The following ADARB2 variants were observed in gnomAD, a reference collection of about 807,000 sequenced individuals.
The protein encoded by ADARB2 is adenosine deaminase RNA specific B2 (inactive), also known as inactive double-stranded RNA-specific editase B2.
ADARB2 carries 25 observed loss-of-function variants against 62.2 expected under a neutral mutation model. The observed-to-expected ratio is 0.40, with a 90% CI of 0.29 to 0.56. The LOEUF is 0.56. ADARB2 is among the 20% of genes least tolerant of loss of function. The pLI, the probability that ADARB2 is intolerant of heterozygous loss-of-function variation, is 0.43. For synonymous variants in ADARB2, 572 were observed against 500.8 expected, an observed-to-expected ratio of 1.14 and a Z score of -1.90; for missense variants, 1,071 against 1,077.4, an observed-to-expected ratio of 0.99 and a Z score of 0.08.
chr10:1,566,291 C>G (rs899435398), intron 1 of ADARB2, among the ~76,000 whole-genome samples: 1 of 152,068 alleles, frequency 6.6e-6, no homozygotes, highest in Non-Finnish European at 1.5e-5. Flanking sequence ...CTGCTAGCAC[C>G]CCTTGCCCAC....
chr10:1,328,469 C>G (rs913074987), intron 3 of ADARB2, among the ~76,000 whole-genome samples: 1 of 152,174 alleles, frequency 6.6e-6, no homozygotes, highest in Non-Finnish European at 1.5e-5. Context: ...AAATCAACCA[C>G]GTAACGTTCA....
chr10:1,270,710 C>G (rs552250928), intron 4 of ADARB2, among the ~76,000 whole-genome samples: 15 of 152,330 alleles, frequency 9.8e-5, no homozygotes, highest in African/African-American at 2.9e-4. Context: ...TGGCCAGGCC[C>G]CCCAGAGACG....
intron 4 of ADARB2, among the ~76,000 whole-genome samples, chr10:1,247,486 T>C (rs1284120837): frequency 6.6e-5 from 10 of 152,164 alleles, no homozygotes; most frequent in Admixed American, 6.5e-4. Context: ...TAGCTCTTAT[T>C]ATTTTGAGAT....
At chr10:1,212,152 A>C (rs548596424) in intron 7 of ADARB2, among the ~76,000 whole-genome samples, 2 of 152,276 alleles carry the variant, frequency 1.3e-5, no homozygotes, top group Admixed American at 1.3e-4. Flanking sequence ...AGAATATTTC[A>C]TCCGTATTTG....
chr10:1,410,245 T>C (rs1462106569), intron 1 of ADARB2, among the ~76,000 whole-genome samples: 3 of 126,800 alleles, frequency 2.4e-5, no homozygotes, highest in African/African-American at 8.8e-5. Context: ...GGAAGGATTG[T>C]CAGTGGTGCC....
intron 1 of ADARB2, among the ~76,000 whole-genome samples, chr10:1,662,446 C>T (rs140694212): frequency 0.011 from 1,643 of 152,298 alleles, 19 homozygotes; most frequent in East Asian, 0.044. Context: ...GCCTGACCTG[C>T]CTGCTCTTGG....
chr10:1,304,980 A>G (rs572646167), intron 3 of ADARB2, among the ~76,000 whole-genome samples: 25 of 87,876 alleles, frequency 2.8e-4, no homozygotes, highest in Non-Finnish European at 4.6e-4. Flanking sequence ...GAAAAGCAAG[A>G]GCAAACACAT....
intron 3 of ADARB2, among the ~76,000 whole-genome samples, chr10:1,277,454 C>T (rs189522120): frequency 6.6e-6 from 1 of 152,252 alleles, no homozygotes; most frequent in African/African-American, 2.4e-5. Flanking sequence ...TACAAACTAC[C>T]ATTAGAGAAT....
intron 1 of ADARB2, among the ~76,000 whole-genome samples, chr10:1,678,557 C>T (rs958025194): frequency 4.6e-5 from 7 of 152,006 alleles, no homozygotes; most frequent in African/African-American, 1.7e-4. Context: ...GCTTTTTATC[C>T]TCTACAATAT....
chr10:1,449,652 C>G (rs1175357107), intron 1 of ADARB2, among the ~76,000 whole-genome samples: 1 of 152,156 alleles, frequency 6.6e-6, no homozygotes, highest in East Asian at 1.9e-4. Context: ...CCCTGAGAGT[C>G]AGGACCTCAT....
At chr10:1,615,991 C>T (rs1338675752) in intron 1 of ADARB2, among the ~76,000 whole-genome samples, 1 of 152,350 alleles carries the variant, frequency 6.6e-6, no homozygotes, top group East Asian at 1.9e-4. Flanking sequence ...ATTCAGATCA[C>T]CCCACCTGTC....
chr10:1,734,377 AT>A lies in ADARB2; in HGVS notation c.100+2673del, dbSNP rs1164501477. On this transcript the variant is annotated intron_variant, in intron 1 of 9. Transcript: ENST00000381312. Reference sequence around the variant, plus strand: ...TAAAATATAACTTCTACAGAAAAAAATATCATTTCCAAGACTATGGATTATA... The same window carrying A: ...TAAAATATAACTTCTACAGAAAAAAAATCATTTCCAAGACTATGGATTATA... Among the ~76,000 whole-genome samples, 6 of 151,796 alleles carry A rather than the reference AT, an allele frequency of 4.0e-5. No individual in the cohort carries two copies. The East Asian group carries it at 1.2e-3, about 29-fold the overall frequency.
At chr10:1,403,766 A>T (rs1832684490) in intron 1 of ADARB2, among the ~76,000 whole-genome samples, 1 of 152,168 alleles carries the variant, frequency 6.6e-6, no homozygotes, top group Non-Finnish European at 1.5e-5. Flanking sequence ...TTTCTCATGC[A>T]ATGCAGTATT....
intron 1 of ADARB2, among the ~76,000 whole-genome samples, chr10:1,505,223 A>G (rs1173677448): frequency 6.6e-6 from 1 of 152,142 alleles, no homozygotes; most frequent in Non-Finnish European, 1.5e-5. Flanking sequence ...GCACACACAG[A>G]AACACACACA....
intron 3 of ADARB2, among the ~76,000 whole-genome samples, chr10:1,333,737 C>T (rs1831949160): frequency 6.6e-6 from 1 of 152,204 alleles, no homozygotes; most frequent in Non-Finnish European, 1.5e-5. Flanking sequence ...AGCCCGTGAG[C>T]TACTATCTGT....
At chr10:1,432,162 G>A (rs112292590) in intron 1 of ADARB2, among the ~76,000 whole-genome samples, 196 of 152,202 alleles carry the variant, frequency 1.3e-3, no homozygotes, top group African/African-American at 4.1e-3. Context: ...CCAGCATAAA[G>A]CCTGACACCT....
chr10:1,481,900 A>G (rs1474281628), intron 1 of ADARB2, among the ~76,000 whole-genome samples: 1 of 152,106 alleles, frequency 6.6e-6, no homozygotes, highest in South Asian at 2.1e-4. Context: ...CAAGTCAACA[A>G]CACTTAACCC....
At chr10:1,349,674 TTTCAA>T (rs200487551) in intron 3 of ADARB2, among the ~76,000 whole-genome samples, 6,022 of 152,296 alleles carry the variant, frequency 0.04, 137 homozygotes, top group South Asian at 0.1. Context: ...CTTCTCTTAA[TTTCAA>T]TTCCTTTCAT....
intron 3 of ADARB2, among the ~76,000 whole-genome samples, chr10:1,350,220 C>T (rs112666896): frequency 8.0e-4 from 122 of 152,292 alleles, no homozygotes; most frequent in African/African-American, 2.7e-3. Context: ...GTCTGAAGTG[C>T]CTGACGTCCA....
Sources: allele counts gnomAD v4.1 joint callset (sites outside exome capture counted in the v4.1 genomes callset), GRCh38; gene constraint gnomAD v4.1.1; transcripts MANE v1.5; gene names NCBI Gene and HGNC (gene_info 2026-07-23, HGNC 2026-07-21).